The following PSD3 variants were observed in gnomAD, a reference collection of about 807,000 sequenced individuals.
PSD3 encodes pleckstrin and Sec7 domain containing 3.
Under a neutral mutation model 105.5 loss-of-function variants are expected in PSD3, and 49 were observed. The ratio of observed to expected loss-of-function variants is 0.46; its 90% confidence interval spans 0.37 to 0.59. The LOEUF is 0.59. Ranked by LOEUF, PSD3 falls within the 20% of genes least tolerant of loss-of-function variation. The pLI is 0.00. For synonymous variants in PSD3, 557 were observed against 457.8 expected (o/e 1.22, Z -2.77); for missense variants, 1,561 against 1,263.8 (o/e 1.24, Z -3.57).
intron 9 of PSD3, among the ~76,000 whole-genome samples, chr8:18,715,687 A>AG (rs1432348072): frequency 6.6e-6 from 1 of 152,234 alleles, no homozygotes; most frequent in Admixed American, 6.5e-5. Context: ...TGGCAGGCAT[A>AG]GCAACAGGGC....
intron 14 of PSD3, among the ~76,000 whole-genome samples, chr8:18,564,498 G>A (rs192255605): frequency 1.1e-3 from 160 of 152,126 alleles, no homozygotes; most frequent in African/African-American, 3.7e-3. Flanking sequence ...GCATGGTGGT[G>A]CACACCTGTA....
chr8:18,890,469 A>C (rs967616913), intron 2 of PSD3, among the ~76,000 whole-genome samples: 1 of 152,144 alleles, frequency 6.6e-6, no homozygotes, highest in Non-Finnish European at 1.5e-5. Context: ...GAGAGGTGAA[A>C]AGCCAAAACC....
At chr8:19,074,898 G>C (rs1406180088) in intron 1 of PSD3, among the ~76,000 whole-genome samples, 6 of 151,494 alleles carry the variant, frequency 4.0e-5, no homozygotes, top group African/African-American at 2.4e-5. Flanking sequence ...GGGATTACAG[G>C]AGTGAGCCAC....
chr8:19,025,333 A>C (rs905181830), intron 1 of PSD3, among the ~76,000 whole-genome samples: 3 of 152,188 alleles, frequency 2.0e-5, no homozygotes, highest in African/African-American at 4.8e-5. Flanking sequence ...CCCCTTGGTT[A>C]AAGAAACCCA....
chr8:18,566,799 C>T (rs1801796827), intron 14 of PSD3, among the ~76,000 whole-genome samples: 1 of 152,076 alleles, frequency 6.6e-6, no homozygotes, highest in African/African-American at 2.4e-5. Context: ...CATGTTTTTG[C>T]ATCTCTGTGG....
intron 1 of PSD3, among the ~76,000 whole-genome samples, chr8:19,074,611 A>ATATATATATATTTT (rs1324257417): frequency 2.5e-4 from 6 of 24,204 alleles, no homozygotes; most frequent in East Asian, 2.1e-3. Flanking sequence ...ATATATATAT[A>ATATATATATATTTT]TTTTTTTTTT....
At chr8:19,061,286 T>A (rs1041296844) in intron 1 of PSD3, among the ~76,000 whole-genome samples, 1 of 152,000 alleles carries the variant, frequency 6.6e-6, no homozygotes, top group Non-Finnish European at 1.5e-5. Flanking sequence ...TTGGTCAAGA[T>A]CCTTATAATT....
At chr8:18,931,224 T>C (rs1397744431) in intron 2 of PSD3, among the ~76,000 whole-genome samples, 1 of 152,142 alleles carries the variant, frequency 6.6e-6, no homozygotes, top group Non-Finnish European at 1.5e-5. Context: ...ACACACAATG[T>C]CAATAGTCAA....
At chr8:18,779,660 G>C (rs1400789150) in intron 8 of PSD3, among the ~76,000 whole-genome samples, 2 of 152,004 alleles carry the variant, frequency 1.3e-5, no homozygotes, top group Non-Finnish European at 2.9e-5. Flanking sequence ...TTTGTTTCAA[G>C]AAACTTTTTG....
intron 1 of PSD3, among the ~76,000 whole-genome samples, chr8:19,012,505 C>A (rs1826998656): frequency 6.6e-6 from 1 of 152,150 alleles, no homozygotes; most frequent in Non-Finnish European, 1.5e-5. Flanking sequence ...ATCCAATCAA[C>A]CCCTCCCTTT....
At chr8:18,731,269 CA>C (rs1361129970) in intron 9 of PSD3, among the ~76,000 whole-genome samples, 1 of 152,048 alleles carries the variant, frequency 6.6e-6, no homozygotes, top group Admixed American at 6.6e-5. Context: ...AAACAAAAAA[CA>C]AAAAACCTTC....
intron 2 of PSD3, among the ~76,000 whole-genome samples, chr8:18,926,162 T>C (rs1363262078): frequency 1.3e-5 from 2 of 151,572 alleles, no homozygotes; most frequent in Admixed American, 1.3e-4. Flanking sequence ...TGTTAGAAAA[T>C]GATCGCTTCT....
At chr8:18,855,932 T>G (rs1188259714) in intron 4 of PSD3, among the ~76,000 whole-genome samples, 1 of 152,184 alleles carries the variant, frequency 6.6e-6, no homozygotes, top group African/African-American at 2.4e-5. Context: ...TACAGAAGCT[T>G]TAGAAAGCCA....
intron 8 of PSD3, among the ~76,000 whole-genome samples, chr8:18,776,042 C>T (rs1428015443): frequency 6.6e-6 from 1 of 151,968 alleles, no homozygotes; most frequent in Non-Finnish European, 1.5e-5. Flanking sequence ...AGTTAAGAGT[C>T]TAGTTTGATT....
intron 1 of PSD3, among the ~76,000 whole-genome samples, chr8:18,953,621 C>T (rs1270923348): frequency 6.6e-6 from 1 of 151,942 alleles, no homozygotes; most frequent in African/African-American, 2.4e-5. Context: ...TGGTGGCAGG[C>T]ATCTGTAATC....
chr8:18,826,661 T>C (rs1241620614), intron 4 of PSD3, among the ~76,000 whole-genome samples: 3 of 152,230 alleles, frequency 2.0e-5, no homozygotes, highest in African/African-American at 7.2e-5. Context: ...GTTTGAAGAA[T>C]GCATGTCAGC....
chr8:18,922,930 G>A (rs530077729), intron 2 of PSD3, among the ~76,000 whole-genome samples: 4 of 152,272 alleles, frequency 2.6e-5, no homozygotes, highest in African/African-American at 7.2e-5. Flanking sequence ...CCATGTGTTC[G>A]TCTTTCAGGG....
At chr8:18,849,693 C>T (rs1312189739) in intron 4 of PSD3, 1 of 152,202 alleles carries the variant, frequency 6.6e-6, no homozygotes, top group Non-Finnish European at 1.5e-5. Context: ...TGGAAGTGAC[C>T]TTCTGCAATG....
chr8:18,802,870 C>T (rs956177036), intron 6 of PSD3, among the ~76,000 whole-genome samples: 1 of 152,120 alleles, frequency 6.6e-6, no homozygotes, highest in African/African-American at 2.4e-5. Flanking sequence ...TTTTAGACAC[C>T]TTCATTTGAA....
Sources: gnomAD v4.1 joint callset for allele counts (sites outside exome capture counted in the v4.1 genomes callset) on GRCh38, gnomAD v4.1.1 for gene constraint, MANE v1.5 for transcripts, NCBI Gene and HGNC (gene_info 2026-07-23, HGNC 2026-07-21) for gene names.